The following H2AP variants were observed in gnomAD, a reference collection of about 807,000 sequenced individuals.
H2AP encodes the protein H2A.P histone.
For missense variants in H2AP, 108 were observed against 97.4 expected, an observed-to-expected ratio of 1.11 and a Z score of -0.46; for synonymous variants, 36 against 35.2, an observed-to-expected ratio of 1.02 and a Z score of -0.08.
In H2AP at chrX:37,991,310, C is replaced by A. The variant is rs745884491; in HGVS notation, c.*117C>A. The A allele has an allele frequency of 9.4e-7, 1 of 1,069,090 alleles. No homozygotes were observed. The highest frequency in any genetic ancestry group is 3.4e-5 in the Admixed American group (1 of 29,473). The allele number at this position is 1,069,090 out of a possible 1,213,427, so 88.1% of individuals were successfully genotyped here. A position where few individuals can be genotyped will look rare whatever the true frequency, so the allele number is the denominator to read the frequency against. Reference sequence around the variant, plus strand: ...CAAGTGCTATTAAAGGATGTAAATCCATGAGTATGTTTCTGACTCCTCTCA... The same window carrying A: ...CAAGTGCTATTAAAGGATGTAAATCAATGAGTATGTTTCTGACTCCTCTCA... On this transcript the variant is annotated 3_prime_UTR_variant, in exon 1 of 1. Coordinates refer to ENST00000341016, the MANE Select transcript of H2AP (RefSeq NM_012274.2).
chrX:37,991,087 A>G lies in H2AP; in HGVS notation c.248A>G (p.Gln83Arg), dbSNP rs202191406. Residue 83 changes from glutamine (Q) to arginine (R), a missense_variant, in exon 1 of 1, where the codon CAA becomes CGA. Physicochemically the swap from Gln to Arg is conservative, Grantham distance 43. Coordinates refer to ENST00000341016, the MANE Select transcript of H2AP (RefSeq NM_012274.2). ...AATGGCAGTATGCGCAACACTTCACAAGATAGGGAGAGAGAAGTGGACAAC... is the reference window on the plus strand; with the variant it reads ...AATGGCAGTATGCGCAACACTTCACGAGATAGGGAGAGAGAAGTGGACAAC... ...SNNGSMRNTS[Q>R]DREREVDNNR... The G allele has an allele frequency of 6.5e-4, 783 of 1,209,421 alleles. 1 individual carries two copies. The highest frequency in any genetic ancestry group is 8.2e-4 in the Non-Finnish European group (735 of 895,077).
rs780207540 is a variant in H2AP, at chrX:37,990,832, C to A, written c.-8C>A. 7.6e-6 allele frequency: 9 copies of A among 1,187,096 alleles called. No homozygotes were observed. Among genetic ancestry groups the A allele is most frequent in the Non-Finnish European group, 9.1e-6 (8 of 882,781 alleles). On this transcript the variant is annotated 5_prime_UTR_variant, in exon 1 of 1. Transcript: ENST00000341016. ...CAGAGCTGATGAGAGCCAAACCCAG[C>A]AAACATCATGTCAGAGAAAAAGAAC...
At position 37,990,857 on chromosome X, in the gene H2AP, C is replaced by T. The variant is rs1456645727; in HGVS notation, c.18C>T (p.Asn6=). The change falls in exon 1 of 1, where the codon AAC becomes AAT. Residue 6 remains asparagine, a synonymous_variant. Transcript: ENST00000341016. MSEKK[N]CKNSSTNNNQ... The stretch of plus-strand genomic sequence containing the variant: ...CAAACATCATGTCAGAGAAAAAGAA[C>T]TGTAAGAACTCGTCTACAAATAACA... 26 of 1,201,564 alleles carry T rather than the reference C, an allele frequency of 2.2e-5. No homozygotes were observed. Among genetic ancestry groups the T allele is most frequent in the Non-Finnish European group, 2.9e-5 (26 of 890,764 alleles).
Position 37,990,822 on chromosome X carries a change from C to T in H2AP, c.-18C>T, listed in dbSNP as rs1393742198. On this transcript the variant is annotated 5_prime_UTR_variant, in exon 1 of 1. Transcript: ENST00000341016. ...GAGAATCAAGCAGAGCTGATGAGAGCCAAACCCAGCAAACATCATGTCAGA... is the reference window on the plus strand; with the variant it reads ...GAGAATCAAGCAGAGCTGATGAGAGTCAAACCCAGCAAACATCATGTCAGA... 2.6e-6 allele frequency: 3 copies of T among 1,175,844 alleles called. No individual in the cohort carries two copies. Among genetic ancestry groups the T allele is most frequent in the Non-Finnish European group, 2.3e-6 (2 of 877,899 alleles).
chrX:37,990,893 A>G lies in H2AP; in HGVS notation c.54A>G (p.Gln18=). Residue 18 remains glutamine (Q), a synonymous_variant, in exon 1 of 1, where the codon CAA becomes CAG. Coordinates refer to ENST00000341016, the MANE Select transcript of H2AP (RefSeq NM_012274.2). ...CGTCTACAAATAACAACCAGACTCA[A>G]GACCCTTCTAGAAATGAGCTACAGG... ...KNSSTNNNQT[Q]DPSRNELQVP... is the part of the protein sequence containing the mutation. The G allele has an allele frequency of 8.3e-7, 1 of 1,211,136 alleles. No homozygotes were observed. The highest frequency in any genetic ancestry group is 3.0e-5 in the East Asian group (1 of 33,831).
In H2AP at chrX:37,991,281, TCAA is replaced by T. The variant is rs1259213166; in HGVS notation, c.*92_*94del. 9.0e-7 allele frequency: 1 copy of T among 1,109,857 alleles called. No individual in the cohort carries two copies. Among genetic ancestry groups the T allele is most frequent in the African/African-American group, 1.8e-5 (1 of 54,094 alleles). 91.5% of individuals were successfully genotyped at this position (1,109,857 alleles called of 1,213,427 possible). A position where few individuals can be genotyped will look rare whatever the true frequency, so the allele number is the denominator to read the frequency against. On this transcript the variant is annotated 3_prime_UTR_variant, in exon 1 of 1. Coordinates refer to ENST00000341016, the MANE Select transcript of H2AP (RefSeq NM_012274.2). Reference sequence around the variant, plus strand: ...AGCTGAGGAATATCTGCTGTTGTCATCAACAAGTGCTATTAAAGGATGTAAATC... The same window carrying T: ...AGCTGAGGAATATCTGCTGTTGTCATCAAGTGCTATTAAAGGATGTAAATC...
chrX:37,990,861 A>G lies in H2AP; in HGVS notation c.22A>G (p.Lys8Glu), dbSNP rs776254192. MSEKKNC[K>E]NSSTNNNQTQ... ...CATCATGTCAGAGAAAAAGAACTGT[A>G]AGAACTCGTCTACAAATAACAACCA... Residue 8 changes from lysine (K) to glutamate (E), a missense_variant, in exon 1 of 1, where the codon AAG (lysine) becomes GAG (glutamate). By Grantham distance (56) the Lys-to-Glu change is moderately conservative. Transcript: ENST00000341016. The G allele has an allele frequency of 1.7e-6, 2 of 1,205,548 alleles. No homozygotes were observed. Among genetic ancestry groups the G allele is most frequent in the Non-Finnish European group, 2.2e-6 (2 of 892,179 alleles).
chrX:37,990,928 G>T lies in H2AP; in HGVS notation c.89G>T (p.Ser30Ile), dbSNP rs375237567. Residue 30 changes from serine (S) to isoleucine (I), a missense_variant, in exon 1 of 1, where the codon AGC becomes ATC. Physicochemically the swap from Ser to Ile is moderately radical, Grantham distance 142. Transcript: ENST00000341016. ...AGAAATGAGCTACAGGTCCCTAGGA[G>T]CTTCGTGGACCGCGTTGTGCAAGAT... ...PSRNELQVPR[S>I]FVDRVVQDER... 5 of 1,210,129 alleles carry T rather than the reference G, an allele frequency of 4.1e-6. No homozygotes were observed. Among genetic ancestry groups the T allele is most frequent in the Non-Finnish European group, 5.6e-6 (5 of 895,279 alleles).
At position 37,990,818 on chromosome X, in the gene H2AP, A is replaced by G; in HGVS notation, c.-22A>G. 1 of 1,175,120 alleles carries G rather than the reference A, an allele frequency of 8.5e-7. No homozygotes were observed. The highest frequency in any genetic ancestry group is 1.1e-6 in the Non-Finnish European group (1 of 876,678). ...GCTAGAGAATCAAGCAGAGCTGATGAGAGCCAAACCCAGCAAACATCATGT... is the reference window on the plus strand; with the variant it reads ...GCTAGAGAATCAAGCAGAGCTGATGGGAGCCAAACCCAGCAAACATCATGT... On this transcript the variant is annotated 5_prime_UTR_variant, in exon 1 of 1. Transcript: ENST00000341016.
Position 37,991,099 on chromosome X carries a change from G to A in H2AP, c.260G>A (p.Arg87Lys), listed in dbSNP as rs749137050. Residue 87 changes from arginine to lysine, a missense_variant, in exon 1 of 1, where the codon AGA becomes AAA. Coordinates refer to ENST00000341016, the MANE Select transcript of H2AP (RefSeq NM_012274.2). Reference sequence around the variant, plus strand: ...CGCAACACTTCACAAGATAGGGAGAGAGAAGTGGACAACAACCGTGAGCCC... The same window carrying A: ...CGCAACACTTCACAAGATAGGGAGAAAGAAGTGGACAACAACCGTGAGCCC... ...SMRNTSQDRE[R>K]EVDNNREPHS... The A allele has an allele frequency of 8.3e-7, 1 of 1,211,787 alleles. No homozygotes were observed. The highest frequency in any genetic ancestry group is 3.0e-5 in the East Asian group (1 of 33,843).
chrX:37,991,133 TGA>T lies in H2AP; in HGVS notation c.298_299del (p.Ser100Ter), dbSNP rs757767343. 6 of 1,211,438 alleles carry T rather than the reference TGA, an allele frequency of 5.0e-6. No individual in the cohort carries two copies. Among genetic ancestry groups the T allele is most frequent in the Non-Finnish European group, 6.7e-6 (6 of 895,433 alleles). ...VDNNREPHSA[E>X]SDVTRFLFDE... The stretch of plus-strand genomic sequence containing the variant: ...ACAACAACCGTGAGCCCCACAGCGC[TGA>T]GAGTGATGTGACTCGCTTTTTGTTT... On this transcript the variant is annotated frameshift_variant, in exon 1 of 1. Coordinates refer to ENST00000341016, the MANE Select transcript of H2AP (RefSeq NM_012274.2). LOFTEE classifies it low-confidence loss of function (END_TRUNC).
In H2AP at chrX:37,991,298, A is replaced by G; in HGVS notation, c.*105A>G. On this transcript the variant is annotated 3_prime_UTR_variant, in exon 1 of 1. Coordinates refer to ENST00000341016, the MANE Select transcript of H2AP (RefSeq NM_012274.2). ...TGTTGTCATCAACAAGTGCTATTAA[A>G]GGATGTAAATCCATGAGTATGTTTC... 1 of 1,093,783 alleles carries G rather than the reference A, an allele frequency of 9.1e-7. No homozygotes were observed. Among genetic ancestry groups the G allele is most frequent in the Non-Finnish European group, 1.2e-6 (1 of 828,454 alleles). 90.1% of individuals were successfully genotyped at this position (1,093,783 alleles called of 1,213,427 possible). A position where few individuals can be genotyped will look rare whatever the true frequency, so the allele number is the denominator to read the frequency against.
chrX:37,990,854 G>A lies in H2AP; in HGVS notation c.15G>A (p.Lys5=). The part of the protein sequence containing the change: MSEK[K]NCKNSSTNNN... ...CAGCAAACATCATGTCAGAGAAAAAGAACTGTAAGAACTCGTCTACAAATA... is the reference window on the plus strand; with the variant it reads ...CAGCAAACATCATGTCAGAGAAAAAAAACTGTAAGAACTCGTCTACAAATA... The change falls in exon 1 of 1, where the codon AAG becomes AAA. Residue 5 remains lysine, a synonymous_variant. Coordinates refer to ENST00000341016, the MANE Select transcript of H2AP (RefSeq NM_012274.2). The A allele has an allele frequency of 8.3e-7, 1 of 1,201,148 alleles. No individual in the cohort carries two copies. Among genetic ancestry groups the A allele is most frequent in the Non-Finnish European group, 1.1e-6 (1 of 889,987 alleles).
At position 37,990,919 on chromosome X, in the gene H2AP, T is replaced by A. The variant is rs1933548131; in HGVS notation, c.80T>A (p.Val27Asp). The A allele has an allele frequency of 1.7e-6, 2 of 1,209,613 alleles. No individual in the cohort carries two copies. Among genetic ancestry groups the A allele is most frequent in the Admixed American group, 4.4e-5 (2 of 45,786 alleles). The change falls in exon 1 of 1, where the codon GTC (valine) becomes GAC (aspartate). Residue 27 changes from valine to aspartate, a missense_variant. Transcript: ENST00000341016. The stretch of plus-strand genomic sequence containing the variant: ...GACCCTTCTAGAAATGAGCTACAGG[T>A]CCCTAGGAGCTTCGTGGACCGCGTT... The part of the protein sequence containing the change: ...TQDPSRNELQ[V>D]PRSFVDRVVQ...
chrX:37,990,957 C>G lies in H2AP; in HGVS notation c.118C>G (p.Arg40Gly). Reference sequence around the variant, plus strand: ...CGTGGACCGCGTTGTGCAAGATGAACGAGACGTCCAAAGCCAGAGTTCCTC... The same window carrying G: ...CGTGGACCGCGTTGTGCAAGATGAAGGAGACGTCCAAAGCCAGAGTTCCTC... ...SFVDRVVQDE[R>G]DVQSQSSSTI... Residue 40 changes from arginine to glycine, a missense_variant, in exon 1 of 1, where the codon CGA becomes GGA. Arg to Gly is a moderately radical substitution (Grantham distance 125). Coordinates refer to ENST00000341016, the MANE Select transcript of H2AP (RefSeq NM_012274.2). 8.3e-7 allele frequency: 1 copy of G among 1,211,828 alleles called. No homozygotes were observed. Among genetic ancestry groups the G allele is most frequent in the East Asian group, 3.0e-5 (1 of 33,853 alleles).
Position 37,990,994 on chromosome X carries a change from C to T in H2AP, c.155C>T (p.Thr52Ile). 8.3e-7 allele frequency: 1 copy of T among 1,211,919 alleles called. No homozygotes were observed. Among genetic ancestry groups the T allele is most frequent in the Non-Finnish European group, 1.1e-6 (1 of 895,569 alleles). ...AGCCAGAGTTCCTCCACAATAAATACCCTCCTTACCTTGCTCGATTGCCTT... is the reference window on the plus strand; with the variant it reads ...AGCCAGAGTTCCTCCACAATAAATATCCTCCTTACCTTGCTCGATTGCCTT... The part of the protein sequence containing the change: ...VQSQSSSTIN[T>I]LLTLLDCLAD... Residue 52 changes from threonine to isoleucine, a missense_variant, in exon 1 of 1, where the codon ACC (threonine) becomes ATC (isoleucine). By Grantham distance (89) the Thr-to-Ile change is moderately conservative. Coordinates refer to ENST00000341016, the MANE Select transcript of H2AP (RefSeq NM_012274.2).
At position 37,991,058 on chromosome X, in the gene H2AP, C is replaced by T; in HGVS notation, c.219C>T (p.Ser73=). The T allele has an allele frequency of 8.3e-7, 1 of 1,211,390 alleles. No individual in the cohort carries two copies. Among genetic ancestry groups the T allele is most frequent in the Non-Finnish European group, 1.1e-6 (1 of 895,431 alleles). ...YIMERVGLEA[S]NNGSMRNTSQ... The stretch of plus-strand genomic sequence containing the variant: ...TGGAGCGGGTAGGCTTGGAGGCCAG[C>T]AACAATGGCAGTATGCGCAACACTT... The change falls in exon 1 of 1, where the codon AGC becomes AGT. Residue 73 remains serine (S), a synonymous_variant. Coordinates refer to ENST00000341016, the MANE Select transcript of H2AP (RefSeq NM_012274.2).
In H2AP at chrX:37,991,157, G is replaced by C. The variant is rs904283071; in HGVS notation, c.318G>C (p.Leu106Phe). The C allele has an allele frequency of 2.5e-6, 3 of 1,208,960 alleles. No individual in the cohort carries two copies. The highest frequency in any genetic ancestry group is 3.4e-6 in the Non-Finnish European group (3 of 894,784). The change falls in exon 1 of 1, where the codon TTG (leucine) becomes TTC (phenylalanine). Residue 106 changes from leucine (L) to phenylalanine (F), a missense_variant. Physicochemically the swap from Leu to Phe is conservative, Grantham distance 22. Coordinates refer to ENST00000341016, the MANE Select transcript of H2AP (RefSeq NM_012274.2). ...HSAESDVTRF[L>F]FDEMPKSRKN... Reference sequence around the variant, plus strand: ...CTGAGAGTGATGTGACTCGCTTTTTGTTTGATGAGATGCCCAAATCCAGGA... The same window carrying C: ...CTGAGAGTGATGTGACTCGCTTTTTCTTTGATGAGATGCCCAAATCCAGGA...
Position 37,991,233 on chromosome X carries a change from T to C in H2AP, c.*40T>C. 1 of 1,173,050 alleles carries C rather than the reference T, an allele frequency of 8.5e-7. No individual in the cohort carries two copies. The highest frequency in any genetic ancestry group is 1.1e-6 in the Non-Finnish European group (1 of 875,157). On this transcript the variant is annotated 3_prime_UTR_variant, in exon 1 of 1. Transcript: ENST00000341016. ...AGCCTTGAAGGGAACCTCACAGGCT[T>C]AGCCAGGGCAAAAATGTGTCACAGC...
Sources: gnomAD v4.1 joint callset for allele counts on GRCh38, gnomAD v4.1.1 for gene constraint, MANE v1.5 for transcripts, NCBI Gene and HGNC (gene_info 2026-07-23, HGNC 2026-07-21) for gene names.